The following LMBRD1 variants were observed in gnomAD, a reference collection of about 807,000 sequenced individuals.
LMBRD1 encodes the protein lysosomal cobalamin transport escort protein LMBD1.
In LMBRD1, 64 loss-of-function variants were observed where a neutral mutation model predicts 74.8. The observed-to-expected ratio is 0.86, with a 90% CI of 0.70 to 1.05. The LOEUF (loss-of-function observed/expected upper bound fraction) is 1.05, where lower values mean the gene tolerates loss of function less well. Ranked by LOEUF, LMBRD1 falls within the 50% of genes least tolerant of loss-of-function variation. The probability of loss-of-function intolerance (pLI) is 0.00; values close to 1 mark genes in which losing one functional copy is unlikely to be tolerated. For synonymous variants in LMBRD1, 204 were observed against 216.3 expected, an observed-to-expected ratio of 0.94 and a Z score of 0.50; for missense variants, 652 against 645.9, an observed-to-expected ratio of 1.01 and a Z score of -0.10.
At chr6:69,732,064 T>C (rs1766870571) in intron 7 of LMBRD1, among the ~76,000 whole-genome samples, 1 of 152,172 alleles carries the variant, frequency 6.6e-6, no homozygotes, top group South Asian at 2.1e-4. Context: ...ATCGGTAGCA[T>C]ATATTCAGTG....
chr6:69,736,006 T>G lies in LMBRD1; in HGVS notation c.636+1936A>C, dbSNP rs554622008. On this transcript the variant is annotated intron_variant, in intron 7 of 15. Transcript: ENST00000649934. The stretch of plus-strand genomic sequence containing the variant: ...CTCTTCTGTCATGGCTTACTTTCAC[T>G]TCATTCAGGTCTCTGTTCAGATGTT... Among the ~76,000 whole-genome samples, 3 of 149,616 alleles carry G rather than the reference T, an allele frequency of 2.0e-5. No homozygotes were observed. In the East Asian group the frequency reaches 6.1e-4, roughly 30 times the overall value.
intron 13 of LMBRD1, 35 bp from the exon 14 acceptor site, chr6:69,697,676 C>A: frequency 8.1e-7 from 1 of 1,242,110 alleles, no homozygotes; most frequent in Non-Finnish European, 1.2e-6. Context: ...ATATAAAAAC[C>A]GCATTAATAA....
chr6:69,763,329 C>T (rs139509679), intron 3 of LMBRD1, among the ~76,000 whole-genome samples: 1 of 151,564 alleles, frequency 6.6e-6, no homozygotes, highest in African/African-American at 2.4e-5. Context: ...AATGGAAAAG[C>T]TTGTTTTGAA....
chr6:69,682,675 A>G (rs1214171431), intron 14 of LMBRD1, among the ~76,000 whole-genome samples: 4 of 152,018 alleles, frequency 2.6e-5, no homozygotes, highest in Non-Finnish European at 5.9e-5. Flanking sequence ...AGTCAGATAT[A>G]AAGCAATTGT....
intron 7 of LMBRD1, among the ~76,000 whole-genome samples, chr6:69,723,168 A>T (rs1438604439): frequency 6.6e-6 from 1 of 152,186 alleles, no homozygotes; most frequent in East Asian, 1.9e-4. Context: ...GCACCCAGAT[A>T]TATAAAGCAA....
chr6:69,735,019 T>C (rs917693726), intron 7 of LMBRD1, among the ~76,000 whole-genome samples: 5 of 152,218 alleles, frequency 3.3e-5, no homozygotes, highest in African/African-American at 1.2e-4. Flanking sequence ...AACAACAGTG[T>C]TGGGCTAGCT....
At chr6:69,740,617 A>G (rs1767080782) in intron 6 of LMBRD1, among the ~76,000 whole-genome samples, 1 of 152,190 alleles carries the variant, frequency 6.6e-6, no homozygotes, top group South Asian at 2.1e-4. Context: ...GGAAAGCAAG[A>G]AAATTAAGAA....
intron 9 of LMBRD1, among the ~76,000 whole-genome samples, chr6:69,710,810 A>T (rs1014098705): frequency 6.6e-6 from 1 of 152,194 alleles, no homozygotes; most frequent in South Asian, 2.1e-4. Flanking sequence ...CAGACACTAC[A>T]TAAGAGTTGA....
intron 14 of LMBRD1, among the ~76,000 whole-genome samples, chr6:69,697,215 G>C (rs190256098): frequency 6.6e-6 from 1 of 151,720 alleles, no homozygotes; most frequent in Non-Finnish European, 1.5e-5. Context: ...ATTGTTCTAG[G>C]TCATAAGTAC....
At chr6:69,763,024 T>C (rs115163707) in intron 3 of LMBRD1, among the ~76,000 whole-genome samples, 223 of 151,756 alleles carry the variant, frequency 1.5e-3, no homozygotes, top group African/African-American at 5.1e-3. Context: ...TATCTAAAAA[T>C]ATGGAGGTCG....
At chr6:69,705,433 T>C (rs1195880129) in intron 9 of LMBRD1, 3 of 1,296,080 alleles carry the variant, frequency 2.3e-6, no homozygotes, top group African/African-American at 1.5e-5. Flanking sequence ...TTTGCTTTAA[T>C]GTCTTCTACA....
chr6:69,796,809 C>G lies in LMBRD1; in HGVS notation c.69+4G>C, dbSNP rs773234616. On this transcript the variant is annotated splice_donor_region_variant and intron_variant, in intron 1 of 15. Coordinates refer to ENST00000649934, the MANE Select transcript of LMBRD1 (RefSeq NM_018368.4). ...ATGGGGAAAACTCCAAGCGCCTCCC[C>G]TACCAGTAGTAAGAGGCCGAATATG... 6.2e-7 allele frequency: 1 copy of G among 1,613,528 alleles called. No homozygotes were observed. The highest frequency in any genetic ancestry group is 8.5e-7 in the Non-Finnish European group (1 of 1,179,708).
At chr6:69,677,073 T>C (rs1249566861) in intron 14 of LMBRD1, among the ~76,000 whole-genome samples, 2 of 152,138 alleles carry the variant, frequency 1.3e-5, no homozygotes, top group African/African-American at 2.4e-5. Context: ...TAGTCAGTTT[T>C]ACATGACACA....
intron 9 of LMBRD1, among the ~76,000 whole-genome samples, chr6:69,703,012 G>A (rs1489200209): frequency 6.6e-6 from 1 of 152,006 alleles, no homozygotes; most frequent in Admixed American, 6.6e-5. Context: ...ATGGCTGGGT[G>A]CCTTTGGGGC....
At chr6:69,681,155 G>C (rs1054377849) in intron 14 of LMBRD1, among the ~76,000 whole-genome samples, 14 of 151,758 alleles carry the variant, frequency 9.2e-5, no homozygotes, top group Non-Finnish European at 1.9e-4. Context: ...CATGGGGGAG[G>C]GGGGCTCAGA....
intron 14 of LMBRD1, among the ~76,000 whole-genome samples, chr6:69,688,377 ACAGGCCAAAG>A (rs1309782101): frequency 6.6e-6 from 1 of 150,792 alleles, no homozygotes; most frequent in Non-Finnish European, 1.5e-5. Context: ...TATTTAGCTC[ACAGGCCAAAG>A]TTTGAAGGGC....
intron 9 of LMBRD1, among the ~76,000 whole-genome samples, chr6:69,709,040 G>T (rs912427286): frequency 6.6e-6 from 1 of 152,086 alleles, no homozygotes; most frequent in South Asian, 2.1e-4. Context: ...TTCCAGACCA[G>T]CCTGACCAAC....
chr6:69,793,789 A>C (rs1252351377), intron 1 of LMBRD1, among the ~76,000 whole-genome samples: 10 of 140,180 alleles, frequency 7.1e-5, no homozygotes, highest in Non-Finnish European at 1.3e-4. Flanking sequence ...AGCTTGCTGC[A>C]ACTGCCTCCA....
intron 8 of LMBRD1, among the ~76,000 whole-genome samples, chr6:69,715,081 GA>G (rs1766461027): frequency 6.6e-6 from 1 of 151,876 alleles, no homozygotes; most frequent in Non-Finnish European, 1.5e-5. Flanking sequence ...CTGGATCCCA[GA>G]AAACGAAAAC....
Sources: gnomAD v4.1 joint callset for allele counts (sites outside exome capture counted in the v4.1 genomes callset) on GRCh38, gnomAD v4.1.1 for gene constraint, MANE v1.5 for transcripts, NCBI Gene and HGNC (gene_info 2026-07-23, HGNC 2026-07-21) for gene names.